The following NFIB variants were observed in gnomAD, a reference collection of about 807,000 sequenced individuals.
The protein encoded by NFIB is nuclear factor 1 B-type.
Under a neutral mutation model 61.5 loss-of-function variants are expected in NFIB, and 11 were observed. That is an observed-to-expected ratio of 0.18 (90% confidence interval 0.11 to 0.30). The LOEUF is 0.30. Ranked by LOEUF, NFIB falls within the 10% of genes least tolerant of loss-of-function variation. The probability of loss-of-function intolerance (pLI) is 1.00; values close to 1 mark genes in which losing one functional copy is unlikely to be tolerated. For synonymous variants in NFIB, 260 were observed against 216.5 expected, an observed-to-expected ratio of 1.20 and a Z score of -1.76; for missense variants, 471 against 608.9, an observed-to-expected ratio of 0.77 and a Z score of 2.38.
intron 2 of NFIB, among the ~76,000 whole-genome samples, chr9:14,275,169 G>A (rs994350352): frequency 6.6e-6 from 1 of 152,168 alleles, no homozygotes. Context: ...CTTCTGAAGG[G>A]AGTTGTTTTA....
At chr9:14,195,619 G>C (rs2048386697) in intron 2 of NFIB, among the ~76,000 whole-genome samples, 1 of 152,206 alleles carries the variant, frequency 6.6e-6, no homozygotes, top group Non-Finnish European at 1.5e-5. Context: ...CAGGATTGCA[G>C]ACCAAATCTG....
the NFIB span, among the ~76,000 whole-genome samples, chr9:14,408,369 T>C: frequency 6.6e-6 from 1 of 152,198 alleles, no homozygotes; most frequent in African/African-American, 2.4e-5. Context: ...CAACTATGAG[T>C]AGTTCTTTTC....
At chr9:14,428,548 A>T in the NFIB span, among the ~76,000 whole-genome samples, 65 of 152,256 alleles carry the variant, frequency 4.3e-4, no homozygotes, top group African/African-American at 1.5e-3. Flanking sequence ...AGAACAAGAG[A>T]AAGTGAGAGA....
chr9:14,481,197 G>GTGTGTGTATATATATATATATA, the NFIB span, among the ~76,000 whole-genome samples: 2 of 45,842 alleles, frequency 4.4e-5, no homozygotes, highest in African/African-American at 9.4e-5. Context: ...GTGTGTGTGT[G>GTGTGTGTATATATATATATATA]TATATATATA....
intron 2 of NFIB, among the ~76,000 whole-genome samples, chr9:14,263,131 G>A: frequency 6.6e-6 from 1 of 152,006 alleles, no homozygotes; most frequent in East Asian, 1.9e-4. Flanking sequence ...TGATAGGGTG[G>A]GTTGTTATGG....
chr9:14,268,345 G>T (rs1455186870), intron 2 of NFIB, among the ~76,000 whole-genome samples: 1 of 151,980 alleles, frequency 6.6e-6, no homozygotes, highest in Non-Finnish European at 1.5e-5. Context: ...ACTCTCTAAT[G>T]TGGCATTTGA....
At chr9:14,386,947 A>G (rs1401872811) in intron 1 of NFIB, among the ~76,000 whole-genome samples, 3 of 152,264 alleles carry the variant, frequency 2.0e-5, no homozygotes, top group Non-Finnish European at 4.4e-5. Flanking sequence ...AAGACTTAAC[A>G]GAACTTTTAA....
intron 1 of NFIB, among the ~76,000 whole-genome samples, chr9:14,371,131 AAACAAACAAAAACACAC>A (rs1447335950): frequency 1.1e-4 from 16 of 151,346 alleles, no homozygotes; most frequent in African/African-American, 3.6e-4. Flanking sequence ...ACAAACAAAC[AAACAAACAAAAACACAC>A]ACACACCAAC....
intron 8 of NFIB, among the ~76,000 whole-genome samples, chr9:14,119,909 G>A (rs899202493): frequency 5.9e-5 from 9 of 152,126 alleles, no homozygotes; most frequent in East Asian, 1.9e-4. Context: ...AAAGAAAGAC[G>A]CTTCTAGTAA....
chr9:14,150,110 T>C, intron 5 of NFIB, 35 bp downstream of exon 5: 1 of 1,612,498 alleles, frequency 6.2e-7, no homozygotes, highest in African/African-American at 1.3e-5. Context: ...TATGTGTGTA[T>C]CACTTGAGAA....
the NFIB span, among the ~76,000 whole-genome samples, chr9:14,528,104 T>C: frequency 6.6e-6 from 1 of 152,186 alleles, no homozygotes; most frequent in African/African-American, 2.4e-5. Context: ...AATAGTCAAT[T>C]ATATATCTTT....
intron 1 of NFIB, among the ~76,000 whole-genome samples, chr9:14,397,561 G>C (rs563829975): frequency 6.6e-6 from 1 of 152,210 alleles, no homozygotes; most frequent in South Asian, 2.1e-4. Context: ...TTATTCACAA[G>C]TCTTTATCTG....
chr9:14,132,471 TTTTC>T (rs1477444243), intron 6 of NFIB, among the ~76,000 whole-genome samples: 2 of 152,162 alleles, frequency 1.3e-5, no homozygotes, highest in Admixed American at 1.3e-4. Flanking sequence ...TATCTACATA[TTTTC>T]TTTATTTTTC....
chr9:14,158,677 C>T (rs985279033), intron 3 of NFIB, among the ~76,000 whole-genome samples: 1 of 152,152 alleles, frequency 6.6e-6, no homozygotes, highest in Non-Finnish European at 1.5e-5. Context: ...AATGTAGATA[C>T]AGATGGTTTA....
rs182940295 is a variant in NFIB, at chr9:14,360,918, T to C, written c.108+37606A>G. 9.4e-4 allele frequency among the ~76,000 whole-genome samples: 143 copies of C among 152,264 alleles called. 1 individual carries two copies. Among genetic ancestry groups the C allele is most frequent in the African/African-American group, 3.3e-3 (137 of 41,552 alleles). On this transcript the variant is annotated intron_variant, in intron 1 of 8. Coordinates refer to the NFIB transcript ENST00000380934. ...TTTTGTACCTTTTGATAATTTTTAT[T>C]TGTTAGTGTGGAAGAGCACTTTTCT...
At chr9:14,373,853 G>T (rs1370249195) in intron 1 of NFIB, among the ~76,000 whole-genome samples, 2 of 152,136 alleles carry the variant, frequency 1.3e-5, no homozygotes, top group Non-Finnish European at 2.9e-5. Context: ...ATCACCAGGG[G>T]CAGCAACTGA....
chr9:14,319,763 C>T (rs191264834), intron 1 of NFIB, among the ~76,000 whole-genome samples: 6 of 152,224 alleles, frequency 3.9e-5, no homozygotes, highest in Non-Finnish European at 7.3e-5. Flanking sequence ...AAACTTTCTG[C>T]ACCCCTTTCT....
the NFIB span, among the ~76,000 whole-genome samples, chr9:14,447,100 G>A: frequency 2.0e-5 from 3 of 152,040 alleles, no homozygotes; most frequent in Non-Finnish European, 4.4e-5. Context: ...ATATTTCATA[G>A]GTTCAATGTA....
chr9:14,178,587 A>C (rs965817031), intron 3 of NFIB, among the ~76,000 whole-genome samples: 1 of 152,220 alleles, frequency 6.6e-6, no homozygotes, highest in Non-Finnish European at 1.5e-5. Context: ...TACAATACAG[A>C]ATTAATAAAT....
Sources: allele counts gnomAD v4.1 joint callset (sites outside exome capture counted in the v4.1 genomes callset), GRCh38; gene constraint gnomAD v4.1.1; transcripts MANE v1.5; gene names NCBI Gene and HGNC (gene_info 2026-07-23, HGNC 2026-07-21).